PPP1R14C: variants seen among roughly 807,000 people sequenced by gnomAD.
The protein encoded by PPP1R14C is protein phosphatase 1 regulatory inhibitor subunit 14C.
In PPP1R14C, 16 loss-of-function variants were observed where a neutral mutation model predicts 20.4. That is an observed-to-expected ratio of 0.78 (90% CI 0.53 to 1.19). The LOEUF (loss-of-function observed/expected upper bound fraction) is 1.19. Among genes scored for constraint, PPP1R14C ranks in the 50% most tolerant of loss-of-function variants. The probability of loss-of-function intolerance (pLI) is 0.00; values close to 1 mark genes in which losing one functional copy is unlikely to be tolerated. For synonymous variants in PPP1R14C, 91 were observed against 91.0 expected (o/e 1.00, Z 0.00); for missense variants, 211 against 220.1 (o/e 0.96, Z 0.26).
At chr6:150,218,454 T>G (rs1363061441) in intron 3 of PPP1R14C, among the ~76,000 whole-genome samples, 2 of 146,636 alleles carry the variant, frequency 1.4e-5, no homozygotes, top group African/African-American at 2.5e-5. Context: ...TTTAAATTAA[T>G]GTAATACTAA....
At chr6:150,222,503 G>A (rs1201721146) in intron 3 of PPP1R14C, among the ~76,000 whole-genome samples, 1 of 152,088 alleles carries the variant, frequency 6.6e-6, no homozygotes, top group Admixed American at 6.5e-5. Flanking sequence ...TCTTGGTACT[G>A]TACATTATGG....
chr6:150,175,972 G>A (rs1309099269), intron 1 of PPP1R14C, among the ~76,000 whole-genome samples: 4 of 152,148 alleles, frequency 2.6e-5, no homozygotes, highest in Non-Finnish European at 5.9e-5. Flanking sequence ...TCTCTAAACC[G>A]GCCACACCTG....
chr6:150,190,140 G>A (rs774514075), intron 1 of PPP1R14C, among the ~76,000 whole-genome samples: 55 of 152,086 alleles, frequency 3.6e-4, no homozygotes, highest in Admixed American at 3.6e-3. Flanking sequence ...TTGAGGTTCT[G>A]TCTCATGGCT....
chr6:150,151,969 A>C (rs977315757), intron 1 of PPP1R14C, among the ~76,000 whole-genome samples: 10 of 151,856 alleles, frequency 6.6e-5, no homozygotes, highest in Admixed American at 1.3e-4. Flanking sequence ...AAATACAAAA[A>C]ATTAGCCGGG....
intron 3 of PPP1R14C, among the ~76,000 whole-genome samples, chr6:150,245,874 C>T (rs917682047): frequency 8.5e-5 from 13 of 152,194 alleles, no homozygotes; most frequent in Non-Finnish European, 1.2e-4. Context: ...TTTTAACTTA[C>T]TCGACTGAGC....
chr6:150,230,987 C>G (rs769030791), intron 3 of PPP1R14C, among the ~76,000 whole-genome samples: 7 of 152,164 alleles, frequency 4.6e-5, no homozygotes, highest in Non-Finnish European at 8.8e-5. Flanking sequence ...AAATGTGTGT[C>G]CATCTGCTGC....
Position 150,201,028 on chromosome 6 carries a change from A to G in PPP1R14C, c.307-13716A>G, listed in dbSNP as rs941591600. ...AGCCATGCTGCATCCTGAAAGGCAC[A>G]TAGCACAAGTTGTAGGGGCCATACA... is the stretch of plus-strand genomic sequence containing the variant. On this transcript the variant is annotated intron_variant, in intron 1 of 3. Transcript: ENST00000361131. The surrounding 1 kb of genome is among the most constrained non-coding windows in gnomAD (Gnocchi z 4.2). Among the ~76,000 whole-genome samples the G allele has an allele frequency of 2.0e-5, 3 of 152,220 alleles. No individual in the cohort carries two copies. Among genetic ancestry groups the G allele is most frequent in the Non-Finnish European group, 4.4e-5 (3 of 68,042 alleles).
chr6:150,203,083 A>G (rs545809429), intron 1 of PPP1R14C, among the ~76,000 whole-genome samples: 1 of 152,256 alleles, frequency 6.6e-6, no homozygotes, highest in East Asian at 1.9e-4. Context: ...TGTGTTGTAC[A>G]TCCTGTGGGT....
chr6:150,163,126 T>G (rs1011930195), intron 1 of PPP1R14C, among the ~76,000 whole-genome samples: 2 of 152,210 alleles, frequency 1.3e-5, no homozygotes, highest in Admixed American at 6.5e-5. Flanking sequence ...GCGCGGTGGC[T>G]CATACCTGTA....
In PPP1R14C at chr6:150,248,920, CGTTTTT is replaced by C; in HGVS notation, c.*107_*112del. 1 of 605,522 alleles carries C rather than the reference CGTTTTT, an allele frequency of 1.7e-6. No homozygotes were observed. 37.5% of individuals were successfully genotyped at this position (605,522 alleles called of 1,614,324 possible). On this transcript the variant is annotated 3_prime_UTR_variant, in exon 4 of 4. Coordinates refer to ENST00000361131, the MANE Select transcript of PPP1R14C (RefSeq NM_030949.3). ...AAAGAATAGGTGTCCTTATGAACAA[CGTTTTT>C]GTTTTTTTTTTTTTCTTTTTTGGTG... is the stretch of plus-strand genomic sequence containing the variant.
intron 1 of PPP1R14C, among the ~76,000 whole-genome samples, chr6:150,203,345 A>G (rs112992793): frequency 2.0e-3 from 307 of 152,320 alleles, no homozygotes; most frequent in Middle Eastern, 0.017. Context: ...TCATTCACTT[A>G]TGGATCTGCA....
chr6:150,240,131 C>T (rs941700939), intron 3 of PPP1R14C, among the ~76,000 whole-genome samples: 1 of 152,040 alleles, frequency 6.6e-6, no homozygotes, highest in African/African-American at 2.4e-5. Flanking sequence ...AAGGTCAATA[C>T]AATTGATAAA....
intron 3 of PPP1R14C, among the ~76,000 whole-genome samples, chr6:150,238,202 C>G (rs914971380): frequency 6.6e-6 from 1 of 152,212 alleles, no homozygotes; most frequent in Non-Finnish European, 1.5e-5. Flanking sequence ...AAAATAGATA[C>G]TGCTTGTCTT....
rs1777154291 is a variant in PPP1R14C at position 150,143,997 on chromosome 6, GCC to G, written c.306+503_306+504del. On this transcript the variant is annotated intron_variant, in intron 1 of 3. Coordinates refer to ENST00000361131, the MANE Select transcript of PPP1R14C (RefSeq NM_030949.3). The surrounding 1 kb of genome is among the most constrained non-coding windows in gnomAD (Gnocchi z 5.6). ...AGGAGAGGTTCTGGGGATCTCAGAGGCCCCCTTGGTTCTTGAAATTCCCCGTG... is the reference window on the plus strand; with the variant it reads ...AGGAGAGGTTCTGGGGATCTCAGAGGCCCTTGGTTCTTGAAATTCCCCGTG... Among the ~76,000 whole-genome samples the G allele has an allele frequency of 1.3e-5, 2 of 152,220 alleles. No individual in the cohort carries two copies. The highest frequency in any genetic ancestry group is 2.9e-5 in the Non-Finnish European group (2 of 68,038).
intron 1 of PPP1R14C, among the ~76,000 whole-genome samples, chr6:150,198,592 G>T (rs1385366663): frequency 1.3e-5 from 2 of 152,268 alleles, no homozygotes; most frequent in Admixed American, 6.5e-5. Context: ...GGTCTTGTTT[G>T]CAATGGAGGT....
chr6:150,200,774 A>G (rs1444950705), intron 1 of PPP1R14C, among the ~76,000 whole-genome samples: 2 of 152,198 alleles, frequency 1.3e-5, no homozygotes, highest in Non-Finnish European at 2.9e-5. Flanking sequence ...CCAAGTCTTC[A>G]CTGAGAGCCT....
chr6:150,210,774 G>C (rs1262304080), intron 1 of PPP1R14C, among the ~76,000 whole-genome samples: 16 of 152,158 alleles, frequency 1.1e-4, no homozygotes, highest in Non-Finnish European at 2.1e-4. Context: ...AAGGTGACAG[G>C]AGGTGGGAAT....
At chr6:150,246,284 G>T (rs1318439125) in intron 3 of PPP1R14C, among the ~76,000 whole-genome samples, 1 of 151,738 alleles carries the variant, frequency 6.6e-6, no homozygotes, top group African/African-American at 2.4e-5. Context: ...TATAGGGTTT[G>T]TGATTTTTGA....
At chr6:150,176,386 G>A (rs1777563216) in intron 1 of PPP1R14C, among the ~76,000 whole-genome samples, 1 of 152,234 alleles carries the variant, frequency 6.6e-6, no homozygotes, top group African/African-American at 2.4e-5. Context: ...ACTACCTCTT[G>A]TCTTGTTTCC....
Sources: allele counts gnomAD v4.1 joint callset (sites outside exome capture counted in the v4.1 genomes callset), GRCh38; gene constraint gnomAD v4.1.1; non-coding constraint Gnocchi (gnomAD v3.1); transcripts MANE v1.5; gene names NCBI Gene and HGNC (gene_info 2026-07-23, HGNC 2026-07-21).